Variants in LGALS3BP observed in about 807,000 individuals in gnomAD.
LGALS3BP encodes galectin-3-binding protein.
LGALS3BP carries 25 observed loss-of-function variants against 22.9 expected under a neutral mutation model. The ratio of observed to expected loss-of-function variants is 1.09; its 90% CI spans 0.80 to 1.53. The LOEUF is 1.53. LGALS3BP is among the 40% of genes most tolerant of loss of function. The pLI, the probability that LGALS3BP is intolerant of heterozygous loss-of-function variation, is 0.00. For synonymous variants in LGALS3BP, 335 were observed against 331.1 expected, an observed-to-expected ratio of 1.01 and a Z score of -0.13; for missense variants, 718 against 752.0, an observed-to-expected ratio of 0.95 and a Z score of 0.53.
intron 3 of LGALS3BP, among the ~76,000 whole-genome samples, chr17:78,975,513 T>G (rs1392997600): frequency 1.3e-5 from 2 of 152,132 alleles, no homozygotes; most frequent in African/African-American, 4.8e-5. Flanking sequence ...TGAAAATGTT[T>G]GCTCATAGGC....
At chr17:78,977,775 G>C (rs921820194) in intron 1 of LGALS3BP, among the ~76,000 whole-genome samples, 18 of 152,212 alleles carry the variant, frequency 1.2e-4, no homozygotes, top group Admixed American at 2.0e-4. Flanking sequence ...GGGTGACAGA[G>C]ATAAGTGGCA....
chr17:78,971,657 G>A lies in LGALS3BP; in HGVS notation c.1677C>T (p.Phe559=), dbSNP rs1251043294. 1.2e-6 allele frequency: 2 copies of A among 1,613,822 alleles called. No individual in the cohort carries two copies. The highest frequency in any genetic ancestry group is 1.7e-6 in the Non-Finnish European group (2 of 1,180,024). The part of the protein sequence containing the change: ...DTNSSKSTSS[F]PCPAGHFNGF... The stretch of plus-strand genomic sequence containing the variant: ...CGTTGAAGTGCCCTGCCGGGCAGGG[G>A]AAGGAGGAGGTGCTCTTCGAGCTGT... Residue 559 remains phenylalanine, a synonymous_variant, in exon 6 of 6, where the codon TTC becomes TTT. Transcript: ENST00000262776. This position sits in a 1 kb window ranked among gnomAD's most constrained non-coding sequence, Gnocchi z 5.6.
rs765703089 is a variant in LGALS3BP at position 78,973,130 on chromosome 17, T to TG, written c.468dup (p.Ile157HisfsTer44). 151 of 1,612,930 alleles carry TG rather than the reference T, an allele frequency of 9.4e-5. No individual in the cohort carries two copies. Among genetic ancestry groups the TG allele is most frequent in the Non-Finnish European group, 1.2e-4 (144 of 1,179,824 alleles). On this transcript the variant is annotated frameshift_variant, in exon 5 of 6. Coordinates refer to ENST00000262776, the MANE Select transcript of LGALS3BP (RefSeq NM_005567.4). LOFTEE classifies it high-confidence loss of function. The surrounding 1 kb of genome is among the most constrained non-coding windows in gnomAD (Gnocchi z 5.8). ...TCCTCGCCCTGCACATTCACGCTGA[T>TG]GGACAGGTCGCAGCCCCGCTGGCTG...
Position 78,971,298 on chromosome 17 carries a change from G to T in LGALS3BP, c.*278C>A. 1 of 504,596 alleles carries T rather than the reference G, an allele frequency of 2.0e-6. No homozygotes were observed. The allele number at this position is 504,596 out of a possible 1,614,324, so 31.3% of individuals were successfully genotyped here. A position where few individuals can be genotyped will look rare whatever the true frequency, so the allele number is the denominator to read the frequency against. ...TTTAATGACCTCAGACCAGTGACAA[G>T]GGCAGACTGACCAGGGGCTGTGGGG... is the stretch of plus-strand genomic sequence containing the variant. On this transcript the variant is annotated 3_prime_UTR_variant, in exon 6 of 6. Coordinates refer to ENST00000262776, the MANE Select transcript of LGALS3BP (RefSeq NM_005567.4). This position sits in a 1 kb window ranked among gnomAD's most constrained non-coding sequence, Gnocchi z 5.6.
At chr17:78,974,100 C>A (rs373881730) in intron 4 of LGALS3BP, among the ~76,000 whole-genome samples, 1 of 152,274 alleles carries the variant, frequency 6.6e-6, no homozygotes, top group Non-Finnish European at 1.5e-5. Context: ...GGATTCGACC[C>A]GTCCTGCCTT....
intron 4 of LGALS3BP, 78 bp downstream of exon 4, chr17:78,974,610 G>C (rs1015433138): frequency 1.3e-6 from 2 of 1,492,088 alleles, no homozygotes; most frequent in East Asian, 4.6e-5. Context: ...TGCGTGGGGG[G>C]GTGGTGCTGG....
At position 78,972,026 on chromosome 17, in the gene LGALS3BP, C is replaced by G. The variant is rs758377775; in HGVS notation, c.1308G>C (p.Arg436=). The part of the protein sequence containing the change: ...RKSQLVYQSR[R]GPLVKYSSDY... ...CAGAAGAATATTTGACCAAAGGCCC[C>G]CGTCTGGACTGATAGACCAGTTGTG... Residue 436 remains arginine, a synonymous_variant, in exon 6 of 6, where the codon CGG becomes CGC. Transcript: ENST00000262776. This position sits in a 1 kb window ranked among gnomAD's most constrained non-coding sequence, Gnocchi z 5.1. 1.9e-6 allele frequency: 3 copies of G among 1,614,064 alleles called. No individual in the cohort carries two copies. In the Admixed American group the frequency reaches 5.0e-5, roughly 27 times the overall value.
In LGALS3BP at chr17:78,976,077, C is replaced by T. The variant is rs376243400; in HGVS notation, c.132G>A (p.Gln44=). 1.3e-5 allele frequency: 21 copies of T among 1,610,898 alleles called. No individual in the cohort carries two copies. The Admixed American group carries it at 1.5e-4, about 12-fold the overall frequency. Residue 44 remains glutamine (Q), a synonymous_variant, in exon 3 of 6, where the codon CAG becomes CAA. Coordinates refer to ENST00000262776, the MANE Select transcript of LGALS3BP (RefSeq NM_005567.4). This position sits in a 1 kb window ranked among gnomAD's most constrained non-coding sequence, Gnocchi z 4.6. ...ACAGGTTGTCACACACAGTGCCCCA[C>T]TGGCCTCTGTAGAAGATCTCCACGC... is the stretch of plus-strand genomic sequence containing the variant. ...QGRVEIFYRG[Q]WGTVCDNLWD...
rs754917355 is a variant in LGALS3BP at position 78,971,580 on chromosome 17, T to A, written c.1754A>T (p.Asp585Val). 6.8e-6 allele frequency: 11 copies of A among 1,612,648 alleles called. No individual in the cohort carries two copies. The highest frequency in any genetic ancestry group is 9.3e-6 in the Non-Finnish European group (11 of 1,179,628). The change falls in exon 6 of 6, where the codon GAC becomes GTC. Residue 585 changes from aspartate (D) to valine (V), a missense_variant. Physicochemically the swap from Asp to Val is radical, Grantham distance 152. Coordinates refer to ENST00000262776, the MANE Select transcript of LGALS3BP (RefSeq NM_005567.4). The surrounding 1 kb of genome is among the most constrained non-coding windows in gnomAD (Gnocchi z 5.6). ...PFYLTNSSGV[D>V] is the part of the protein sequence containing the mutation. ...ACCACCCTTGGGCCACGCCGTCTAG[T>A]CCACACCTGAGGAGTTGGTCAGGTA...
chr17:78,974,637 G>C (rs376188448), intron 4 of LGALS3BP, 51 bp downstream of exon 4: 131 of 1,584,758 alleles, frequency 8.3e-5, no homozygotes, highest in Non-Finnish European at 1.1e-4. Flanking sequence ...CAGGGGCCAC[G>C]GGACCCCAGG....
intron 1 of LGALS3BP, 76 bp downstream of exon 1, chr17:78,979,748 C>T (rs1160704504): frequency 6.6e-6 from 1 of 151,740 alleles, no homozygotes; most frequent in Non-Finnish European, 1.5e-5. Flanking sequence ...GAGACCCTGT[C>T]TCAAAAAAAA....
rs532394952 is a variant in LGALS3BP, at chr17:78,973,950, G to A, written c.377-728C>T. Among the ~76,000 whole-genome samples the A allele has an allele frequency of 1.3e-5, 2 of 152,194 alleles. No individual in the cohort carries two copies. Among genetic ancestry groups the A allele is most frequent in the African/African-American group, 2.4e-5 (1 of 41,448 alleles). ...CTCTCCTGCCCCAGGAGCTTTGGCC[G>A]TGCGCCCATGGCCCCGTGTGCTCCC... On this transcript the variant is annotated intron_variant, in intron 4 of 5. Transcript: ENST00000262776. This position sits in a 1 kb window ranked among gnomAD's most constrained non-coding sequence, Gnocchi z 5.8.
At position 78,976,947 on chromosome 17, in the gene LGALS3BP, A is replaced by G. The variant is rs2070725695; in HGVS notation, c.52+193T>C. 1.6e-6 allele frequency: 1 copy of G among 626,910 alleles called. No homozygotes were observed. Among genetic ancestry groups the G allele is most frequent in the African/African-American group, 1.8e-5 (1 of 54,542 alleles). The allele number at this position is 626,910 out of a possible 1,614,324, so 38.8% of individuals were successfully genotyped here. On this transcript the variant is annotated intron_variant, in intron 2 of 5. Transcript: ENST00000262776. This position sits in a 1 kb window ranked among gnomAD's most constrained non-coding sequence, Gnocchi z 4.6. The stretch of plus-strand genomic sequence containing the variant: ...TCTCTATAACCTGCATCTCACCTGA[A>G]CCCAGGTGAGCCCCCGGGAACCTCC...
intron 1 of LGALS3BP, among the ~76,000 whole-genome samples, chr17:78,979,087 C>T (rs973939419): frequency 6.7e-5 from 10 of 150,202 alleles, no homozygotes; most frequent in East Asian, 2.0e-4. Flanking sequence ...GGGGGGGCAA[C>T]GAAGCACCTG....
rs951887775 is a variant in LGALS3BP at position 78,976,451 on chromosome 17, G to A, written c.53-295C>T. On this transcript the variant is annotated intron_variant, in intron 2 of 5. Transcript: ENST00000262776. The surrounding 1 kb of genome is among the most constrained non-coding windows in gnomAD (Gnocchi z 4.6). ...CCTGAGTTCTCCAGCACTGGGAGTG[G>A]AGGTGGCAAGACCCTGAGGGAAGGA... is the stretch of plus-strand genomic sequence containing the variant. Among the ~76,000 whole-genome samples, 3 of 152,214 alleles carry A rather than the reference G, an allele frequency of 2.0e-5. No homozygotes were observed. Among genetic ancestry groups the A allele is most frequent in the African/African-American group, 7.2e-5 (3 of 41,458 alleles).
chr17:78,971,511 G>A lies in LGALS3BP; in HGVS notation c.*65C>T. On this transcript the variant is annotated 3_prime_UTR_variant, in exon 6 of 6. Transcript: ENST00000262776. The surrounding 1 kb of genome is among the most constrained non-coding windows in gnomAD (Gnocchi z 5.6). ...CATTGCAGAGAGGAAGGAAGCCGAG[G>A]AGGGGAGCCTGCAGTGAGGGCGTCC... The A allele has an allele frequency of 6.8e-7, 1 of 1,465,422 alleles. No individual in the cohort carries two copies. Among genetic ancestry groups the A allele is most frequent in the Non-Finnish European group, 9.3e-7 (1 of 1,075,600 alleles). The allele number at this position is 1,465,422 out of a possible 1,614,324, so 90.8% of individuals were successfully genotyped here. A position where few individuals can be genotyped will look rare whatever the true frequency, so the allele number is the denominator to read the frequency against.
chr17:78,973,152 G>A lies in LGALS3BP; in HGVS notation c.447C>T (p.Ser149=). ...TGATGGACAGGTCGCAGCCCCGCTG[G>A]CTGTCAAAGATCTGGCCAAGGGCCT... ...LSEALGQIFD[S]QRGCDLSISV... Residue 149 remains serine, a synonymous_variant, in exon 5 of 6, where the codon AGC becomes AGT. Transcript: ENST00000262776. This position sits in a 1 kb window ranked among gnomAD's most constrained non-coding sequence, Gnocchi z 5.8. 2 of 1,610,594 alleles carry A rather than the reference G, an allele frequency of 1.2e-6. No individual in the cohort carries two copies. Among genetic ancestry groups the A allele is most frequent in the Non-Finnish European group, 1.7e-6 (2 of 1,178,926 alleles).
chr17:78,972,218 C>T lies in LGALS3BP; in HGVS notation c.1116G>A (p.Leu372=). 6.2e-7 allele frequency: 1 copy of T among 1,613,960 alleles called. No individual in the cohort carries two copies. Among genetic ancestry groups the T allele is most frequent in the Non-Finnish European group, 8.5e-7 (1 of 1,180,026 alleles). Residue 372 remains leucine (L), a synonymous_variant, in exon 6 of 6, where the codon CTG becomes CTA. Coordinates refer to ENST00000262776, the MANE Select transcript of LGALS3BP (RefSeq NM_005567.4). The surrounding 1 kb of genome is among the most constrained non-coding windows in gnomAD (Gnocchi z 5.1). ...NLSLYWSHEA[L]FQKKTLQALE... ...GGGCCTGCAGAGTCTTCTTCTGGAA[C>T]AGGGCCTCGTGGCTCCAGTACAGGG...
chr17:78,972,816 G>A lies in LGALS3BP; in HGVS notation c.630-112C>T, dbSNP rs561024906. On this transcript the variant is annotated intron_variant, in intron 5 of 5. Transcript: ENST00000262776. The surrounding 1 kb of genome is among the most constrained non-coding windows in gnomAD (Gnocchi z 5.1). ...GCACACAGTGTGGGAGTGAGCATGC[G>A]TGTGTGTGCAACTGCGTGAGTGCAT... 1.8e-4 allele frequency: 262 copies of A among 1,432,828 alleles called. No homozygotes were observed. The highest frequency in any genetic ancestry group is 2.3e-4 in the Non-Finnish European group (247 of 1,066,366). The allele number at this position is 1,432,828 out of a possible 1,614,324, so 88.8% of individuals were successfully genotyped here.
Sources: gnomAD v4.1 joint callset for allele counts (sites outside exome capture counted in the v4.1 genomes callset) on GRCh38, gnomAD v4.1.1 for gene constraint, Gnocchi (gnomAD v3.1) non-coding constraint, MANE v1.5 for transcripts, NCBI Gene and HGNC (gene_info 2026-07-23, HGNC 2026-07-21) for gene names.